The following HPSE2 variants were observed in gnomAD, a reference collection of about 807,000 sequenced individuals.
The protein encoded by HPSE2 is heparanase 2 (inactive).
In HPSE2, 38 loss-of-function variants were observed where a neutral mutation model predicts 60.5. The ratio of observed to expected loss-of-function variants is 0.63; its 90% CI spans 0.48 to 0.82. HPSE2 has a LOEUF of 0.82. Ranked by LOEUF, HPSE2 falls within the 40% of genes least tolerant of loss-of-function variation. The pLI is 0.00. For synonymous variants in HPSE2, 295 were observed against 293.2 expected (o/e 1.01, Z -0.06); for missense variants, 713 against 740.4 (o/e 0.96, Z 0.43).
chr10:98,718,972 G>A (rs1041920502), intron 5 of HPSE2, among the ~76,000 whole-genome samples: 2 of 152,084 alleles, frequency 1.3e-5, no homozygotes, highest in African/African-American at 4.8e-5. Flanking sequence ...TTTAAAAATT[G>A]TCATAAATAT....
chr10:98,749,147 G>T lies in HPSE2; in HGVS notation c.611-5091C>A, dbSNP rs944764444. On this transcript the variant is annotated intron_variant, in intron 3 of 11. Coordinates refer to ENST00000370552, the MANE Select transcript of HPSE2 (RefSeq NM_021828.5). ...TTTTCTATTAGGAAAATGTAGATAA[G>T]GGTCAATGAATTCACACTAAGATAT... Among the ~76,000 whole-genome samples the T allele has an allele frequency of 5.3e-5, 8 of 152,138 alleles. No individual in the cohort carries two copies. The South Asian group carries it at 6.2e-4, about 12-fold the overall frequency.
intron 3 of HPSE2, among the ~76,000 whole-genome samples, chr10:98,967,171 A>AT (rs1274126798): frequency 1.3e-5 from 2 of 152,214 alleles, no homozygotes; most frequent in Non-Finnish European, 2.9e-5. Flanking sequence ...AAAAGCTGAT[A>AT]TAGATAATGG....
At chr10:98,856,059 G>C (rs989014866) in intron 3 of HPSE2, among the ~76,000 whole-genome samples, 2 of 152,130 alleles carry the variant, frequency 1.3e-5, no homozygotes, top group Non-Finnish European at 2.9e-5. Context: ...AAACTCCTGA[G>C]GTTGACTCAA....
chr10:98,939,051 C>G (rs1954903105), intron 3 of HPSE2, among the ~76,000 whole-genome samples: 1 of 143,816 alleles, frequency 7.0e-6, no homozygotes, highest in Admixed American at 6.9e-5. Flanking sequence ...ATTTTGTCAC[C>G]ACCAGGCCTG....
chr10:99,085,034 C>T (rs941807768), intron 3 of HPSE2, among the ~76,000 whole-genome samples: 2 of 152,226 alleles, frequency 1.3e-5, no homozygotes, highest in Non-Finnish European at 2.9e-5. Flanking sequence ...TACCTTTCTC[C>T]TCCATCACCC....
In HPSE2 at chr10:99,233,444, C is replaced by T. The variant is rs111373081; in HGVS notation, c.291-939G>A. Among the ~76,000 whole-genome samples the T allele has an allele frequency of 1.9e-3, 294 of 152,310 alleles. 2 individuals are homozygous for T. The highest frequency in any genetic ancestry group is 6.9e-3 in the African/African-American group (286 of 41,562). On this transcript the variant is annotated intron_variant, in intron 1 of 11. Coordinates refer to ENST00000370552, the MANE Select transcript of HPSE2 (RefSeq NM_021828.5). ...GAGCACAAAACAATAGCATTTGCATCTATTTAAGGTCAGGATTTCCATCAA... is the reference window on the plus strand; with the variant it reads ...GAGCACAAAACAATAGCATTTGCATTTATTTAAGGTCAGGATTTCCATCAA...
chr10:98,488,994 G>T (rs991824369), intron 10 of HPSE2, among the ~76,000 whole-genome samples: 2 of 152,132 alleles, frequency 1.3e-5, no homozygotes, highest in Non-Finnish European at 1.5e-5. Flanking sequence ...CATCAAGGAA[G>T]CAGAAGGAGC....
At chr10:98,530,902 G>C (rs1187231630) in intron 9 of HPSE2, among the ~76,000 whole-genome samples, 1 of 152,130 alleles carries the variant, frequency 6.6e-6, no homozygotes, top group African/African-American at 2.4e-5. Context: ...TGAAGGAAGA[G>C]GTCTGGACCC....
At chr10:99,061,154 G>T (rs2135523763) in intron 3 of HPSE2, among the ~76,000 whole-genome samples, 1 of 152,250 alleles carries the variant, frequency 6.6e-6, no homozygotes, top group African/African-American at 2.4e-5. Flanking sequence ...TGTGGACTAG[G>T]GTGGTGGTTT....
chr10:98,512,812 A>ACACACACACACACACACACAC, intron 9 of HPSE2, among the ~76,000 whole-genome samples: 1 of 124,546 alleles, frequency 8.0e-6, no homozygotes, highest in Non-Finnish European at 1.7e-5. Context: ...CCCACCCCCC[A>ACACACACACACACACACACAC]ACACACACAC....
At chr10:98,731,008 G>C (rs769502601) in intron 4 of HPSE2, among the ~76,000 whole-genome samples, 15 of 152,164 alleles carry the variant, frequency 9.9e-5, no homozygotes, top group Non-Finnish European at 2.1e-4. Context: ...CTAGAGGCTG[G>C]GTGCAGTGGC....
rs547559537 is a variant in HPSE2, at chr10:98,792,349, C to T, written c.611-48293G>A. On this transcript the variant is annotated intron_variant, in intron 3 of 11. Transcript: ENST00000370552. The stretch of plus-strand genomic sequence containing the variant: ...GACATAAGAAAGAGTGAAAGGAAGA[C>T]AACTTTAGCTTTGTTCTTCTCATTC... Among the ~76,000 whole-genome samples the T allele has an allele frequency of 2.4e-4, 36 of 152,042 alleles. No individual in the cohort carries two copies. The South Asian group carries it at 7.0e-3, about 30-fold the overall frequency.
At chr10:99,132,838 G>T (rs957077709) in intron 3 of HPSE2, among the ~76,000 whole-genome samples, 2 of 152,158 alleles carry the variant, frequency 1.3e-5, no homozygotes, top group African/African-American at 4.8e-5. Context: ...TTAGGTGCAG[G>T]AGTTATTTTT....
At chr10:98,854,524 A>G (rs1264758827) in intron 3 of HPSE2, among the ~76,000 whole-genome samples, 1 of 152,200 alleles carries the variant, frequency 6.6e-6, no homozygotes, top group East Asian at 1.9e-4. Context: ...TTTATAATTG[A>G]GGATAAATTT....
intron 9 of HPSE2, among the ~76,000 whole-genome samples, chr10:98,492,526 A>AG (rs397963682): frequency 2.0e-5 from 3 of 150,538 alleles, no homozygotes; most frequent in Non-Finnish European, 4.4e-5. Flanking sequence ...AAAAAAAAAA[A>AG]GAAAAGAAAA....
chr10:98,578,505 G>C (rs1944702348), intron 9 of HPSE2, among the ~76,000 whole-genome samples: 3 of 152,116 alleles, frequency 2.0e-5, no homozygotes, highest in Admixed American at 2.0e-4. Flanking sequence ...ATTTCATCAA[G>C]TATAATTTAG....
At chr10:99,311,932 T>C in the HPSE2 span, among the ~76,000 whole-genome samples, 4,152 of 152,304 alleles carry the variant, frequency 0.027, 186 homozygotes, top group African/African-American at 0.095. Flanking sequence ...GCCTTATTGC[T>C]GATATGGAGA....
At chr10:99,100,134 TG>T (rs1289567057) in intron 3 of HPSE2, among the ~76,000 whole-genome samples, 3 of 152,148 alleles carry the variant, frequency 2.0e-5, no homozygotes, top group African/African-American at 7.2e-5. Flanking sequence ...GGAACAAAGC[TG>T]GGTGGAGAAT....
chr10:98,788,652 C>G lies in HPSE2; in HGVS notation c.611-44596G>C, dbSNP rs188654511. On this transcript the variant is annotated intron_variant, in intron 3 of 11. Transcript: ENST00000370552. ...GTGTGGGATATCGTCTCGTGGTGCG[C>G]TGTTTCTTAAGCCGGTCTGAAAAGC... is the stretch of plus-strand genomic sequence containing the variant. Among the ~76,000 whole-genome samples, 205 of 152,320 alleles carry G rather than the reference C, an allele frequency of 1.3e-3. No homozygotes were observed. The Middle Eastern group carries it at 0.017, about 13-fold the overall frequency.
Sources: allele counts gnomAD v4.1 joint callset (sites outside exome capture counted in the v4.1 genomes callset), GRCh38; gene constraint gnomAD v4.1.1; transcripts MANE v1.5; gene names NCBI Gene and HGNC (gene_info 2026-07-23, HGNC 2026-07-21).